ARAP3: variants seen among roughly 807,000 people sequenced by gnomAD.
The protein encoded by ARAP3 is ArfGAP with RhoGAP domain, ankyrin repeat and PH domain 3.
Under a neutral mutation model 169.2 loss-of-function variants are expected in ARAP3, and 82 were observed. That is an observed-to-expected ratio of 0.48 (90% CI 0.41 to 0.58). The LOEUF is 0.58. Among genes scored for constraint, ARAP3 ranks in the 20% least tolerant of loss-of-function variants. ARAP3 has a pLI of 0.00. For missense variants in ARAP3, 1,764 were observed against 2,018.0 expected (o/e 0.87, Z 2.41); for synonymous variants, 791 against 800.3 (o/e 0.99, Z 0.20).
At chr5:141,660,041 G>T in intron 21 of ARAP3, 115 bp from the exon 22 acceptor site, 1 of 1,354,928 alleles carries the variant, frequency 7.4e-7, no homozygotes, top group Non-Finnish European at 9.8e-7. Flanking sequence ...AGATAATATT[G>T]GCCTCAAGGA....
intron 21 of ARAP3, among the ~76,000 whole-genome samples, chr5:141,660,928 G>A (rs145028138): frequency 3.3e-5 from 5 of 152,090 alleles, no homozygotes; most frequent in East Asian, 3.9e-4. Context: ...CCCTGACATC[G>A]CATAATAAAA....
rs543160244 is a variant in ARAP3 at position 141,673,530 on chromosome 5, G to A, written c.903-60C>T. 1.9e-6 allele frequency: 3 copies of A among 1,613,264 alleles called. No homozygotes were observed. The Admixed American group carries it at 5.0e-5, about 27-fold the overall frequency. On this transcript the variant is annotated intron_variant, in intron 5 of 32. Transcript: ENST00000239440. ...GTTGCATGGGGTTAGGGGGATCATAGGGTCTGGGGGCACTTTCCCGCGCAA... is the reference window on the plus strand; with the variant it reads ...GTTGCATGGGGTTAGGGGGATCATAAGGTCTGGGGGCACTTTCCCGCGCAA...
At position 141,673,752 on chromosome 5, in the gene ARAP3, A is replaced by C. The variant is rs1228187472; in HGVS notation, c.755T>G (p.Leu252Arg). ...CGATAAGAGGGTGGAGTCTCCAGGT[A>C]GCTCAAGGCTGGCATAGCCAGCATC... ...REDAGYASLELPGDSTLLSPT... is the reference protein window; with the variant it reads ...REDAGYASLERPGDSTLLSPT... Residue 252 changes from leucine (L) to arginine (R), a missense_variant, in exon 5 of 33, where the codon CTA (leucine) becomes CGA (arginine). Physicochemically the swap from Leu to Arg is moderately radical, Grantham distance 102. Around this residue, in one of 3 missense-constraint regions of ARAP3, gnomAD observed 630 missense variants for 678.7 expected, o/e 0.93. Coordinates refer to ENST00000239440, the MANE Select transcript of ARAP3 (RefSeq NM_022481.6). 1 of 1,614,154 alleles carries C rather than the reference A, an allele frequency of 6.2e-7. No homozygotes were observed. The highest frequency in any genetic ancestry group is 2.2e-5 in the East Asian group (1 of 44,878).
chr5:141,659,593 G>T (rs2306338), intron 22 of ARAP3, 117 bp from the exon 23 acceptor site: 213,602 of 1,338,518 alleles, frequency 0.16, 18,854 homozygotes, highest in Admixed American at 0.34. Flanking sequence ...AAGAACCAAG[G>T]GGGTGAGGAT....
At chr5:141,667,435 CTT>C (rs745903742) in intron 16 of ARAP3, among the ~76,000 whole-genome samples, 26 of 139,432 alleles carry the variant, frequency 1.9e-4, no homozygotes, top group Non-Finnish European at 1.7e-4. Flanking sequence ...TACTTTCTTT[CTT>C]TTTTTTTTTT....
chr5:141,671,460 G>C lies in ARAP3; in HGVS notation c.1855-60C>G. 1 of 1,598,256 alleles carries C rather than the reference G, an allele frequency of 6.3e-7. No homozygotes were observed. The highest frequency in any genetic ancestry group is 8.5e-7 in the Non-Finnish European group (1 of 1,172,292). On this transcript the variant is annotated intron_variant, in intron 12 of 32. Transcript: ENST00000239440. This position sits in a 1 kb window ranked among gnomAD's most constrained non-coding sequence, Gnocchi z 4.9. ...TCCCAAACTGAGAGCACTGGGGACAGTCGTATCATCACTAAAAACAGTCCC... is the reference window on the plus strand; with the variant it reads ...TCCCAAACTGAGAGCACTGGGGACACTCGTATCATCACTAAAAACAGTCCC...
rs1318926927 is a variant in ARAP3, at chr5:141,658,383, G to A, written c.3508C>T (p.Arg1170Cys). 1.2e-5 allele frequency: 20 copies of A among 1,613,328 alleles called. No individual in the cohort carries two copies. Among genetic ancestry groups the A allele is most frequent in the Middle Eastern group, 3.6e-4 (2 of 5,588 alleles). ...TACTCACCCAGCTCCCCATGCTCGC[G>A]AATCTCAAAAGTCACCCACAAGTCC... ...GMDLWVTFEI[R>C]EHGELERPLH... The change falls in exon 25 of 33, where the codon CGC (arginine) becomes TGC (cysteine). Residue 1170 changes from arginine (R) to cysteine (C), a missense_variant. Coordinates refer to ENST00000239440, the MANE Select transcript of ARAP3 (RefSeq NM_022481.6).
chr5:141,668,915 G>A (rs754165650), intron 16 of ARAP3, among the ~76,000 whole-genome samples: 1 of 152,200 alleles, frequency 6.6e-6, no homozygotes, highest in Non-Finnish European at 1.5e-5. Context: ...ACGACTTTCT[G>A]ACGCATTGTC....
At chr5:141,667,617 C>T (rs547743168) in intron 16 of ARAP3, among the ~76,000 whole-genome samples, 27 of 150,346 alleles carry the variant, frequency 1.8e-4, no homozygotes, top group East Asian at 6.1e-4. Context: ...TTAGTAGAGA[C>T]GGGGTTTCAC....
rs746697562 is a variant in ARAP3, at chr5:141,680,459, C to T, written c.28G>A (p.Ala10Thr). The T allele has an allele frequency of 1.6e-5, 26 of 1,605,120 alleles. 1 individual carries two copies. In the Middle Eastern group the frequency reaches 9.9e-4, roughly 61 times the overall value. The part of the protein sequence containing the change: MAAPQDLDI[A>T]VWLATVHLEQ... ...AGGTGCACCGTGGCCAGCCACACAGCGATGTCCAGGTCCTGAGGGGCAGCC... is the reference window on the plus strand; with the variant it reads ...AGGTGCACCGTGGCCAGCCACACAGTGATGTCCAGGTCCTGAGGGGCAGCC... Residue 10 changes from alanine (A) to threonine (T), a missense_variant, in exon 2 of 33, where the codon GCT becomes ACT. This residue lies in a region of ARAP3 where 630 missense variants were observed against 678.7 expected (regional missense o/e 0.93). Coordinates refer to ENST00000239440, the MANE Select transcript of ARAP3 (RefSeq NM_022481.6).
chr5:141,661,052 CCTTTTTT>C (rs1357481537), intron 21 of ARAP3, among the ~76,000 whole-genome samples: 34 of 150,044 alleles, frequency 2.3e-4, no homozygotes, highest in African/African-American at 4.2e-4. Context: ...CTTTTTTTTT[CCTTTTTT>C]CTTTTTTCTT....
intron 32 of ARAP3, among the ~76,000 whole-genome samples, chr5:141,654,943 C>T (rs2099909015): frequency 6.6e-6 from 1 of 151,860 alleles, no homozygotes; most frequent in East Asian, 1.9e-4. Context: ...TTCACCATGT[C>T]GATTAGACTG....
chr5:141,655,361 CA>C lies in ARAP3; in HGVS notation c.4149del (p.Pro1384GlnfsTer2). The C allele has an allele frequency of 6.3e-7, 1 of 1,579,502 alleles. No individual in the cohort carries two copies. The highest frequency in any genetic ancestry group is 8.6e-7 in the Non-Finnish European group (1 of 1,162,326). Reference sequence around the variant, plus strand: ...ACCGCTGGAGCAGGCACAATACTCACAAAGAACATGGACAGGGTCCTCCGGT... The same window carrying C: ...ACCGCTGGAGCAGGCACAATACTCACAAGAACATGGACAGGGTCCTCCGGT... Reference protein sequence around the residue: ...LHNRRTLSMFFPMKSSQGSVE... With the variant: ...LHNRRTLSMFXPMKSSQGSVE... On this transcript the variant is annotated frameshift_variant and splice_region_variant, in exon 32 of 33. Coordinates refer to ENST00000239440, the MANE Select transcript of ARAP3 (RefSeq NM_022481.6). LOFTEE classifies it high-confidence loss of function.
chr5:141,665,411 G>A (rs369112497), intron 17 of ARAP3, 37 bp from the exon 18 acceptor site: 40 of 1,601,970 alleles, frequency 2.5e-5, no homozygotes, highest in African/African-American at 8.0e-5. Flanking sequence ...CATGATTATC[G>A]TCTTCATTAT....
chr5:141,680,538 G>A (rs1204153736), intron 1 of ARAP3, 35 bp from the exon 2 acceptor site: 1 of 1,531,618 alleles, frequency 6.5e-7, no homozygotes, highest in Non-Finnish European at 8.8e-7. Flanking sequence ...GAGGGCTCAG[G>A]CTGAGAATCC....
At chr5:141,659,604 G>A in intron 22 of ARAP3, 128 bp from the exon 23 acceptor site, 1 of 1,323,322 alleles carries the variant, frequency 7.6e-7, no homozygotes, top group Non-Finnish European at 1.1e-6. Flanking sequence ...GGGTGAGGAT[G>A]TTGGAAGTGA....
intron 16 of ARAP3, among the ~76,000 whole-genome samples, chr5:141,668,777 G>A (rs1317761413): frequency 6.6e-6 from 1 of 152,172 alleles, no homozygotes; most frequent in Non-Finnish European, 1.5e-5. Flanking sequence ...AGATGACCTG[G>A]TGAGGCTGGG....
At chr5:141,680,533 C>G (rs1305808571) in intron 1 of ARAP3, 30 bp from the exon 2 acceptor site, 1 of 1,537,688 alleles carries the variant, frequency 6.5e-7, no homozygotes, top group South Asian at 1.2e-5. Context: ...GAAGGGAGGG[C>G]TCAGGCTGAG....
intron 19 of ARAP3, among the ~76,000 whole-genome samples, chr5:141,664,256 C>T (rs1000236119): frequency 6.6e-6 from 1 of 152,050 alleles, no homozygotes; most frequent in Admixed American, 6.6e-5. Flanking sequence ...TGGTGGGGCA[C>T]GCCTGCAATC....
Sources: allele counts gnomAD v4.1 joint callset (sites outside exome capture counted in the v4.1 genomes callset), GRCh38; gene constraint gnomAD v4.1.1; regional missense constraint gnomAD v4.1.1; non-coding constraint Gnocchi (gnomAD v3.1); transcripts MANE v1.5; gene names NCBI Gene and HGNC (gene_info 2026-07-23, HGNC 2026-07-21).